Variants in PRKG2 observed in about 807,000 individuals in gnomAD.
The protein encoded by PRKG2 is protein kinase cGMP-dependent 2.
A neutral mutation model predicts 97.2 loss-of-function variants in PRKG2; 33 were observed. That is an observed-to-expected ratio of 0.34 (90% CI 0.26 to 0.45). PRKG2 has a LOEUF of 0.45. Among genes scored for constraint, PRKG2 ranks in the 20% least tolerant of loss-of-function variants. The pLI is 1.00. For missense variants in PRKG2, 638 were observed against 900.0 expected, an observed-to-expected ratio of 0.71 and a Z score of 3.73; for synonymous variants, 330 against 321.8, an observed-to-expected ratio of 1.03 and a Z score of -0.27.
At chr4:81,140,510 T>C (rs1747174392) in intron 12 of PRKG2, 23 bp downstream of exon 12, 19 of 1,549,804 alleles carry the variant, frequency 1.2e-5, no homozygotes, top group Admixed American at 1.7e-5. Flanking sequence ...TCCTAACTCC[T>C]TGGAAGCCAA....
chr4:81,136,236 A>G (rs1014617519), intron 13 of PRKG2, among the ~76,000 whole-genome samples: 1 of 152,144 alleles, frequency 6.6e-6, no homozygotes, highest in African/African-American at 2.4e-5. Flanking sequence ...CAGATGCTCA[A>G]TGTTCTTTCC....
At chr4:81,116,723 G>A (rs1450095234) in intron 14 of PRKG2, among the ~76,000 whole-genome samples, 1 of 152,044 alleles carries the variant, frequency 6.6e-6, no homozygotes, top group African/African-American at 2.4e-5. Flanking sequence ...ACTGGTGTGA[G>A]ATAGTATCTC....
intron 17 of PRKG2, among the ~76,000 whole-genome samples, chr4:81,101,135 A>T (rs1303448601): frequency 6.6e-6 from 1 of 151,742 alleles, no homozygotes; most frequent in African/African-American, 2.4e-5. Context: ...AAACTAGTTC[A>T]ACCATTGTGG....
At chr4:81,205,742 C>T (rs1431849074) in intron 1 of PRKG2, among the ~76,000 whole-genome samples, 1 of 152,176 alleles carries the variant, frequency 6.6e-6, no homozygotes, top group African/African-American at 2.4e-5. Flanking sequence ...ATGTACGACC[C>T]ATGCTGCAAG....
rs544702838 is a variant in PRKG2 at position 81,143,110 on chromosome 4, G to A, written c.1254-163C>T. Among the ~76,000 whole-genome samples the A allele has an allele frequency of 8.5e-5, 13 of 152,204 alleles. No homozygotes were observed. In the East Asian group the frequency reaches 1.3e-3, roughly 16 times the overall value. On this transcript the variant is annotated intron_variant, in intron 10 of 18. Coordinates refer to ENST00000264399, the MANE Select transcript of PRKG2 (RefSeq NM_006259.3). ...TTTTATGGATCAGATTCAGTCCCAC[G>A]CAGCGAGAAAACAATAGAATATACA...
intron 1 of PRKG2, among the ~76,000 whole-genome samples, chr4:81,207,190 T>G (rs1753728732): frequency 6.6e-6 from 1 of 152,158 alleles, no homozygotes; most frequent in Non-Finnish European, 1.5e-5. Context: ...AGATTATGAA[T>G]TACAAGCATA....
intron 9 of PRKG2, among the ~76,000 whole-genome samples, chr4:81,148,546 T>C (rs1306345104): frequency 1.3e-5 from 2 of 152,200 alleles, no homozygotes; most frequent in Non-Finnish European, 2.9e-5. Flanking sequence ...AAATAAATTA[T>C]GTAATTGTTC....
At chr4:81,199,255 C>T (rs950034332) in intron 2 of PRKG2, among the ~76,000 whole-genome samples, 2 of 152,024 alleles carry the variant, frequency 1.3e-5, no homozygotes, top group Non-Finnish European at 2.9e-5. Context: ...CTGCAAACTG[C>T]TAATAGAGTA....
intron 3 of PRKG2, 57 bp downstream of exon 3, chr4:81,174,736 G>C (rs1750774845): frequency 6.7e-7 from 1 of 1,490,460 alleles, no homozygotes; most frequent in East Asian, 2.3e-5. Context: ...AATGTTTGCA[G>C]AAAATCATAA....
intron 9 of PRKG2, among the ~76,000 whole-genome samples, chr4:81,145,912 C>G (rs76265278): frequency 6.6e-6 from 1 of 152,090 alleles, no homozygotes; most frequent in East Asian, 1.9e-4. Flanking sequence ...CTGCCTCTAC[C>G]CATTTACTTG....
intron 2 of PRKG2, among the ~76,000 whole-genome samples, chr4:81,179,252 T>C (rs918431732): frequency 6.6e-6 from 1 of 151,908 alleles, no homozygotes; most frequent in Non-Finnish European, 1.5e-5. Flanking sequence ...TATCTAGGCC[T>C]ACCATAGTCA....
chr4:81,195,609 T>C (rs1014855517), intron 2 of PRKG2, among the ~76,000 whole-genome samples: 1 of 152,180 alleles, frequency 6.6e-6, no homozygotes, highest in Non-Finnish European at 1.5e-5. Flanking sequence ...AATTTGACGA[T>C]TCGAGGTACC....
At chr4:81,134,434 T>TG (rs1746468011) in intron 14 of PRKG2, among the ~76,000 whole-genome samples, 1 of 152,214 alleles carries the variant, frequency 6.6e-6, no homozygotes, top group African/African-American at 2.4e-5. Flanking sequence ...GAAGTAAAAA[T>TG]GGACTCAGGT....
chr4:81,150,885 T>G (rs1476769345), intron 8 of PRKG2, among the ~76,000 whole-genome samples: 1 of 152,154 alleles, frequency 6.6e-6, no homozygotes, highest in Non-Finnish European at 1.5e-5. Context: ...TTCCTAATAT[T>G]GAAACAAGTT....
At chr4:81,131,034 G>GA (rs1173027556) in intron 14 of PRKG2, among the ~76,000 whole-genome samples, 2 of 152,106 alleles carry the variant, frequency 1.3e-5, no homozygotes, top group East Asian at 1.9e-4. Context: ...TGGGGTATGA[G>GA]AAAAAAACTT....
rs79491539 is a variant in PRKG2, at chr4:81,107,402, G to A, written c.1941-1467C>T. On this transcript the variant is annotated intron_variant, in intron 15 of 18. Transcript: ENST00000264399. ...AAGAACTGAATTGGTCCAATGTTGA[G>A]AGGTAGGAAGATGAAAAGAATCTAG... is the stretch of plus-strand genomic sequence containing the variant. 7.0e-3 allele frequency among the ~76,000 whole-genome samples: 1,062 copies of A among 152,280 alleles called. 17 individuals are homozygous for A. The highest frequency in any genetic ancestry group is 0.024 in the African/African-American group (1,005 of 41,566).
chr4:81,167,022 G>A, intron 6 of PRKG2, 139 bp downstream of exon 6: 1 of 600,592 alleles, frequency 1.7e-6, no homozygotes, highest in Non-Finnish European at 2.8e-6. Flanking sequence ...GTTGGCTTAA[G>A]ATTTTTCACC....
At chr4:81,128,395 CAGA>C (rs1745820131) in intron 14 of PRKG2, among the ~76,000 whole-genome samples, 1 of 152,120 alleles carries the variant, frequency 6.6e-6, no homozygotes, top group African/African-American at 2.4e-5. Flanking sequence ...GGAATAGTTT[CAGA>C]AGGAGTGGTA....
intron 14 of PRKG2, among the ~76,000 whole-genome samples, chr4:81,113,140 A>G (rs986229067): frequency 1.1e-4 from 17 of 152,180 alleles, no homozygotes; most frequent in Admixed American, 2.0e-4. Flanking sequence ...CTGGGCAAAA[A>G]TGGATGAGGG....
Sources: allele counts gnomAD v4.1 joint callset (sites outside exome capture counted in the v4.1 genomes callset), GRCh38; gene constraint gnomAD v4.1.1; transcripts MANE v1.5; gene names NCBI Gene and HGNC (gene_info 2026-07-23, HGNC 2026-07-21).